Variants in ELMO1 observed in about 807,000 individuals in gnomAD.
ELMO1 encodes engulfment and cell motility 1, also known as engulfment and cell motility protein 1.
ELMO1 carries 26 observed loss-of-function variants against 98.9 expected under a neutral mutation model. The observed-to-expected ratio is 0.26, with a 90% CI of 0.19 to 0.36. ELMO1 has a LOEUF of 0.36. Ranked by LOEUF, ELMO1 falls within the 10% of genes least tolerant of loss-of-function variation. ELMO1 has a pLI of 1.00. For missense variants in ELMO1, 627 were observed against 935.2 expected, an observed-to-expected ratio of 0.67 and a Z score of 4.30; for synonymous variants, 346 against 346.0, an observed-to-expected ratio of 1.00 and a Z score of 0.00.
At chr7:37,146,076 T>C (rs1787967427) in intron 13 of ELMO1, among the ~76,000 whole-genome samples, 4 of 152,330 alleles carry the variant, frequency 2.6e-5, no homozygotes, top group South Asian at 4.1e-4. Flanking sequence ...GTCCAGGTTC[T>C]AGCCCAAATC....
rs531189832 is a variant in ELMO1, at chr7:36,980,086, C to T, written c.1437+33213G>A. The stretch of plus-strand genomic sequence containing the variant: ...GGAAAAGAGAAGTTAGCTCCCAAAG[C>T]GCAAGGCTGCAGCCCTCCTTGTCAG... On this transcript the variant is annotated intron_variant, in intron 16 of 21. Coordinates refer to ENST00000310758, the MANE Select transcript of ELMO1 (RefSeq NM_014800.11). Among the ~76,000 whole-genome samples, 18 of 152,308 alleles carry T rather than the reference C, an allele frequency of 1.2e-4. No homozygotes were observed. The South Asian group carries it at 1.9e-3, about 16-fold the overall frequency.
intron 16 of ELMO1, among the ~76,000 whole-genome samples, chr7:36,918,073 A>T (rs1369832395): frequency 6.6e-6 from 1 of 152,228 alleles, no homozygotes; most frequent in Admixed American, 6.5e-5. Context: ...TAGTTCTAGC[A>T]TATTAGGTGG....
chr7:37,328,258 C>T (rs1562617982), intron 2 of ELMO1, among the ~76,000 whole-genome samples: 1 of 151,870 alleles, frequency 6.6e-6, no homozygotes, highest in Non-Finnish European at 1.5e-5. Context: ...TGGTGCATGC[C>T]TGTGGTCCCA....
At chr7:37,059,159 T>C (rs1796541069) in intron 15 of ELMO1, among the ~76,000 whole-genome samples, 1 of 152,186 alleles carries the variant, frequency 6.6e-6, no homozygotes, top group Non-Finnish European at 1.5e-5. Flanking sequence ...ATTTCCCATA[T>C]TGATGAGTAT....
intron 14 of ELMO1, among the ~76,000 whole-genome samples, chr7:37,097,976 G>A (rs566235823): frequency 2.0e-5 from 3 of 152,168 alleles, no homozygotes; most frequent in African/African-American, 7.2e-5. Flanking sequence ...TCAACTAAGG[G>A]AATTACTCTA....
intron 1 of ELMO1, among the ~76,000 whole-genome samples, chr7:37,438,176 A>C (rs908144347): frequency 5.3e-5 from 8 of 152,108 alleles, no homozygotes; most frequent in Non-Finnish European, 1.2e-4. Flanking sequence ...TATAAAGCAA[A>C]CTAATTCTAG....
At chr7:37,011,868 G>C (rs879490749) in intron 16 of ELMO1, among the ~76,000 whole-genome samples, 8 of 152,226 alleles carry the variant, frequency 5.3e-5, no homozygotes, top group Non-Finnish European at 7.3e-5. Context: ...TCCCAGGGAT[G>C]ATTTGCACCT....
At chr7:37,065,005 G>C (rs1184640863) in intron 15 of ELMO1, among the ~76,000 whole-genome samples, 1 of 152,040 alleles carries the variant, frequency 6.6e-6, no homozygotes, top group African/African-American at 2.4e-5. Flanking sequence ...AAAATAATTG[G>C]TTCTAGTCCA....
chr7:37,192,292 C>T (rs1005136216), intron 13 of ELMO1, among the ~76,000 whole-genome samples: 6 of 151,372 alleles, frequency 4.0e-5, no homozygotes, highest in South Asian at 4.2e-4. Flanking sequence ...GTCAAGAGAT[C>T]GAGACCATCT....
intron 13 of ELMO1, among the ~76,000 whole-genome samples, chr7:37,162,623 A>G (rs1387629023): frequency 6.6e-6 from 1 of 152,252 alleles, no homozygotes; most frequent in African/African-American, 2.4e-5. Context: ...GACAAAGTGA[A>G]AAAATTTTTT....
intron 15 of ELMO1, among the ~76,000 whole-genome samples, chr7:37,088,278 C>T (rs1242267522): frequency 1.3e-5 from 2 of 152,156 alleles, no homozygotes; most frequent in Non-Finnish European, 2.9e-5. Flanking sequence ...CTCTCTGTAA[C>T]CACTTCCTAT....
At chr7:36,895,515 T>C (rs1032377142) in intron 16 of ELMO1, among the ~76,000 whole-genome samples, 3 of 152,208 alleles carry the variant, frequency 2.0e-5, no homozygotes, top group Non-Finnish European at 4.4e-5. Flanking sequence ...GCCATGTAGT[T>C]AGGGCTTGAG....
chr7:37,354,751 C>T (rs1372836784), intron 1 of ELMO1, among the ~76,000 whole-genome samples: 5 of 152,192 alleles, frequency 3.3e-5, no homozygotes, highest in African/African-American at 1.2e-4. Context: ...AGGCAAGGCT[C>T]GAGCCCAGTT....
At chr7:37,440,093 G>C (rs896861464) in intron 1 of ELMO1, among the ~76,000 whole-genome samples, 2 of 152,044 alleles carry the variant, frequency 1.3e-5, no homozygotes, top group Non-Finnish European at 2.9e-5. Flanking sequence ...TTTCTGAGTA[G>C]TGGTCACTTC....
chr7:37,075,430 C>T (rs1014123556), intron 15 of ELMO1, among the ~76,000 whole-genome samples: 2 of 151,978 alleles, frequency 1.3e-5, no homozygotes, highest in East Asian at 1.9e-4. Context: ...GCTAGGGTTA[C>T]AGGCGTGAGC....
chr7:36,991,112 A>T (rs1218121185), intron 16 of ELMO1, among the ~76,000 whole-genome samples: 2 of 152,216 alleles, frequency 1.3e-5, no homozygotes, highest in African/African-American at 4.8e-5. Flanking sequence ...CTACGCTGCA[A>T]CCAGTTTTGT....
At chr7:37,444,519 ATTT>A (rs369739454) in intron 1 of ELMO1, among the ~76,000 whole-genome samples, 1 of 148,258 alleles carries the variant, frequency 6.7e-6, no homozygotes, top group Non-Finnish European at 1.5e-5. Flanking sequence ...AAATAGTGGC[ATTT>A]TTTTTTTTGA....
chr7:36,920,942 A>C (rs754270163), intron 16 of ELMO1, among the ~76,000 whole-genome samples: 3 of 152,158 alleles, frequency 2.0e-5, no homozygotes, highest in Non-Finnish European at 4.4e-5. Context: ...CCAGTGCAAT[A>C]AAATATTAAG....
chr7:37,394,433 C>G (rs1473022897), intron 1 of ELMO1, among the ~76,000 whole-genome samples: 2 of 152,180 alleles, frequency 1.3e-5, no homozygotes, highest in African/African-American at 4.8e-5. Flanking sequence ...GAGCCTACAC[C>G]TGGGCTGATA....
Sources: gnomAD v4.1 joint callset for allele counts (sites outside exome capture counted in the v4.1 genomes callset) on GRCh38, gnomAD v4.1.1 for gene constraint, MANE v1.5 for transcripts, NCBI Gene and HGNC (gene_info 2026-07-23, HGNC 2026-07-21) for gene names.